NT5DC1: variants seen among roughly 807,000 people sequenced by gnomAD.
NT5DC1 encodes the protein 5'-nucleotidase domain-containing protein 1.
NT5DC1 carries 42 observed loss-of-function variants against 59.4 expected under a neutral mutation model. The observed-to-expected ratio is 0.71, with a 90% confidence interval of 0.55 to 0.92. The LOEUF is 0.92. Among genes scored for constraint, NT5DC1 ranks in the 40% least tolerant of loss-of-function variants. The pLI, the probability that NT5DC1 is intolerant of heterozygous loss-of-function variation, is 0.00. For synonymous variants in NT5DC1, 172 were observed against 188.1 expected (o/e 0.91, Z 0.70); for missense variants, 501 against 537.1 (o/e 0.93, Z 0.66).
chr6:116,237,543 C>T (rs1385045919), intron 9 of NT5DC1: 2 of 456,848 alleles, frequency 4.4e-6, no homozygotes, highest in East Asian at 1.4e-4. Context: ...GCCACAGTCT[C>T]CTGGGGACTC....
chr6:116,165,214 G>A (rs1402372759), intron 6 of NT5DC1, among the ~76,000 whole-genome samples: 1 of 151,854 alleles, frequency 6.6e-6, no homozygotes, highest in Non-Finnish European at 1.5e-5. Flanking sequence ...CTGTTAGTCT[G>A]ATAGGATTTC....
chr6:116,111,127 C>T (rs1778868119), intron 4 of NT5DC1, among the ~76,000 whole-genome samples, 171 bp downstream of exon 4: 1 of 152,248 alleles, frequency 6.6e-6, no homozygotes, highest in South Asian at 2.1e-4. Flanking sequence ...TATTTGACTT[C>T]TGTTTGGCAG....
intron 6 of NT5DC1, among the ~76,000 whole-genome samples, chr6:116,198,902 G>A (rs1430373150): frequency 6.6e-6 from 1 of 151,940 alleles, no homozygotes; most frequent in Admixed American, 6.6e-5. Flanking sequence ...AACTAATTCA[G>A]TTAGAATATA....
intron 6 of NT5DC1, among the ~76,000 whole-genome samples, chr6:116,150,761 G>A (rs76154145): frequency 0.012 from 1,823 of 152,156 alleles, 47 homozygotes; most frequent in African/African-American, 0.041. Context: ...ATATAAGGTC[G>A]TAATCTAATA....
intron 6 of NT5DC1, chr6:116,158,775 G>A (rs994718985): frequency 2.0e-5 from 3 of 152,130 alleles, no homozygotes; most frequent in Admixed American, 6.5e-5. Flanking sequence ...GCTTTTTGGG[G>A]GTTGCTTTTG....
At chr6:116,190,238 A>G (rs1294330345) in intron 6 of NT5DC1, among the ~76,000 whole-genome samples, 1 of 152,044 alleles carries the variant, frequency 6.6e-6, no homozygotes, top group Non-Finnish European at 1.5e-5. Flanking sequence ...TCCCTGAGCC[A>G]AAACAGTATT....
intron 6 of NT5DC1, among the ~76,000 whole-genome samples, chr6:116,135,660 A>ATT (rs559180467): frequency 4.0e-5 from 6 of 149,628 alleles, no homozygotes; most frequent in Non-Finnish European, 7.4e-5. Flanking sequence ...ACTAACAAAC[A>ATT]TTTTTTTTTC....
At position 116,248,229 on chromosome 6, in the gene NT5DC1, T is replaced by C. The variant is rs1254317586; in HGVS notation, c.*4205T>C. 1 of 152,244 alleles carries C rather than the reference T, an allele frequency of 6.6e-6. No homozygotes were observed. The highest frequency in any genetic ancestry group is 6.5e-5 in the Admixed American group (1 of 15,286). The allele number at this position is 152,244 out of a possible 1,614,324, so 9.4% of individuals were successfully genotyped here. A position where few individuals can be genotyped will look rare whatever the true frequency, so the allele number is the denominator to read the frequency against. On this transcript the variant is annotated 3_prime_UTR_variant, in exon 12 of 12. Transcript: ENST00000319550. ...AGACTTGCATCTTAGGCAGTTCTACTTTCTGGACCTCTGTTTTCTCAACTA... is the reference window on the plus strand; with the variant it reads ...AGACTTGCATCTTAGGCAGTTCTACCTTCTGGACCTCTGTTTTCTCAACTA...
chr6:116,110,800 G>A (rs767442912), intron 3 of NT5DC1, 50 bp from the exon 4 acceptor site: 10 of 1,217,822 alleles, frequency 8.2e-6, no homozygotes, highest in African/African-American at 5.9e-5. Context: ...TAGAGGAAGG[G>A]GCATTCAAGG....
At chr6:116,197,760 G>T (rs944343040) in intron 6 of NT5DC1, among the ~76,000 whole-genome samples, 10 of 152,098 alleles carry the variant, frequency 6.6e-5, no homozygotes, top group African/African-American at 2.4e-4. Context: ...GTGAGATAAT[G>T]TATAAAGAAC....
chr6:116,178,110 C>T (rs1474811), intron 6 of NT5DC1, among the ~76,000 whole-genome samples: 34,790 of 117,440 alleles, frequency 0.3, 4,660 homozygotes, highest in African/African-American at 0.45. Context: ...CGCGTGCGTG[C>T]GTGTGTGTGT....
chr6:116,109,088 G>A (rs979066040), intron 3 of NT5DC1, among the ~76,000 whole-genome samples: 5 of 152,176 alleles, frequency 3.3e-5, no homozygotes, highest in African/African-American at 1.2e-4. Context: ...CTCTCACAGG[G>A]CACCAGGGAG....
chr6:116,201,827 T>A lies in NT5DC1; in HGVS notation c.530-19227T>A, dbSNP rs549869038. On this transcript the variant is annotated intron_variant, in intron 6 of 11. Transcript: ENST00000319550. ...AAGCCTTGGCATGGTTTCATGATTA[T>A]AATTATTGCCTCTACTTTTTTAAAT... Among the ~76,000 whole-genome samples, 4 of 152,156 alleles carry A rather than the reference T, an allele frequency of 2.6e-5. No homozygotes were observed. The South Asian group carries it at 8.3e-4, about 32-fold the overall frequency.
intron 6 of NT5DC1, among the ~76,000 whole-genome samples, chr6:116,127,887 A>G (rs886208698): frequency 3.3e-5 from 5 of 152,120 alleles, no homozygotes; most frequent in African/African-American, 7.2e-5. Context: ...ATCTGTGGCT[A>G]TTGCAACAAT....
intron 6 of NT5DC1, among the ~76,000 whole-genome samples, chr6:116,199,053 T>C (rs557966699): frequency 6.6e-6 from 1 of 152,152 alleles, no homozygotes; most frequent in Non-Finnish European, 1.5e-5. Flanking sequence ...CACTGGCCTC[T>C]ATCCACTAGA....
intron 6 of NT5DC1, among the ~76,000 whole-genome samples, chr6:116,122,421 C>CCT (rs1779159328): frequency 6.6e-6 from 1 of 152,186 alleles, no homozygotes; most frequent in Non-Finnish European, 1.5e-5. Flanking sequence ...ATCTGCCATG[C>CCT]CTCTGCTGAA....
At chr6:116,242,239 C>T (rs1481277275) in intron 11 of NT5DC1, among the ~76,000 whole-genome samples, 6 of 151,650 alleles carry the variant, frequency 4.0e-5, no homozygotes, top group Admixed American at 6.6e-5. Context: ...GGTATGGTGG[C>T]GGGCGCCTGT....
At chr6:116,170,786 G>A (rs866492468) in intron 6 of NT5DC1, among the ~76,000 whole-genome samples, 3 of 152,112 alleles carry the variant, frequency 2.0e-5, no homozygotes, top group South Asian at 2.1e-4. Flanking sequence ...ATACTGCATA[G>A]TACCTTCAGT....
intron 6 of NT5DC1, among the ~76,000 whole-genome samples, chr6:116,166,447 C>A (rs975551072): frequency 9.2e-5 from 14 of 152,130 alleles, no homozygotes; most frequent in African/African-American, 3.1e-4. Context: ...TAAGAAATCA[C>A]AATGGAAGAA....
Sources: gnomAD v4.1 joint callset for allele counts (sites outside exome capture counted in the v4.1 genomes callset) on GRCh38, gnomAD v4.1.1 for gene constraint, MANE v1.5 for transcripts, NCBI Gene and HGNC (gene_info 2026-07-23, HGNC 2026-07-21) for gene names.